RYR1: variants seen among roughly 807,000 people sequenced by gnomAD.
RYR1 encodes central core disease of muscle.
A neutral mutation model predicts 583.5 loss-of-function variants in RYR1; 342 were observed. The observed-to-expected ratio is 0.59, with a 90% CI of 0.54 to 0.64. The LOEUF (loss-of-function observed/expected upper bound fraction) is 0.64, where lower values mean the gene tolerates loss of function less well. Among genes scored for constraint, RYR1 ranks in the 30% least tolerant of loss-of-function variants. The pLI is 0.00. For synonymous variants in RYR1, 2,791 were observed against 2,822.5 expected, an observed-to-expected ratio of 0.99 and a Z score of 0.35; for missense variants, 6,032 against 6,917.2, an observed-to-expected ratio of 0.87 and a Z score of 4.54.
chr19:38,447,524 G>A (rs2145355812), intron 9 of RYR1, among the ~76,000 whole-genome samples: 1 of 151,504 alleles, frequency 6.6e-6, no homozygotes, highest in Admixed American at 6.6e-5. Context: ...CTGGGCGACA[G>A]AGCGAGACTC....
chr19:38,573,259 A>C lies in RYR1; in HGVS notation c.14081A>C (p.Glu4694Ala). ...GGCCTGTACATCACGGAGCAGCCTGAGGACGATGACGTGAAGGGGCAGTGG... is the reference window on the plus strand; with the variant it reads ...GGCCTGTACATCACGGAGCAGCCTGCGGACGATGACGTGAAGGGGCAGTGG... ...FDGLYITEQP[E>A]DDDVKGQWDR... The change falls in exon 96 of 106, where the codon GAG becomes GCG. Residue 4694 changes from glutamate to alanine, a missense_variant. Transcript: ENST00000359596. 3.1e-6 allele frequency: 5 copies of C among 1,613,990 alleles called. No homozygotes were observed. The highest frequency in any genetic ancestry group is 4.2e-6 in the Non-Finnish European group (5 of 1,179,932).
At chr19:38,465,130 C>T (rs1600707526) in intron 23 of RYR1, among the ~76,000 whole-genome samples, 1 of 151,998 alleles carries the variant, frequency 6.6e-6, no homozygotes, top group Non-Finnish European at 1.5e-5. Flanking sequence ...GTCAAGGACT[C>T]CAGACCCAGG....
intron 96 of RYR1, among the ~76,000 whole-genome samples, chr19:38,575,686 C>T (rs1432469878): frequency 6.6e-6 from 1 of 152,004 alleles, no homozygotes. Context: ...GCCTGTAATC[C>T]CAGCTACTCA....
intron 16 of RYR1, among the ~76,000 whole-genome samples, chr19:38,456,002 C>A (rs2145397669): frequency 7.2e-6 from 1 of 137,968 alleles, no homozygotes; most frequent in East Asian, 2.2e-4. Context: ...GACAGAGTCT[C>A]ACACTGTCGC....
Position 38,543,974 on chromosome 19 carries a change from T to G in RYR1, c.12012+99T>G. On this transcript the variant is annotated intron_variant, in intron 87 of 105. Coordinates refer to ENST00000359596, the MANE Select transcript of RYR1 (RefSeq NM_000540.3). The surrounding 1 kb of genome is among the most constrained non-coding windows in gnomAD (Gnocchi z 4.4). ...TTTGGTCAGTTTGTCACCCGAGTGC[T>G]CCCGGCATGTTCCAGACTGGTTCCC... is the stretch of plus-strand genomic sequence containing the variant. 8.5e-7 allele frequency: 1 copy of G among 1,182,676 alleles called. No homozygotes were observed. The highest frequency in any genetic ancestry group is 1.2e-6 in the Non-Finnish European group (1 of 820,708). 73.3% of individuals were successfully genotyped at this position (1,182,676 alleles called of 1,614,324 possible). A position where few individuals can be genotyped will look rare whatever the true frequency, so the allele number is the denominator to read the frequency against.
chr19:38,573,125 T>C, intron 95 of RYR1, 52 bp from the exon 96 acceptor site: 3 of 1,610,458 alleles, frequency 1.9e-6, no homozygotes, highest in South Asian at 1.1e-5. Context: ...GCTGAGACTA[T>C]GGTCCAGCCA....
chr19:38,527,846 G>A (rs1568541136), intron 73 of RYR1, 62 bp downstream of exon 73: 2 of 1,596,402 alleles, frequency 1.3e-6, no homozygotes, highest in Non-Finnish European at 8.6e-7. Flanking sequence ...GGGGGGAGGG[G>A]CTTCAAGGAT....
At chr19:38,538,962 C>G (rs1029066480) in intron 84 of RYR1, among the ~76,000 whole-genome samples, 1 of 152,166 alleles carries the variant, frequency 6.6e-6, no homozygotes, top group Non-Finnish European at 1.5e-5. Flanking sequence ...TGGTTATAAC[C>G]TTTAGCAGGT....
intron 38 of RYR1, among the ~76,000 whole-genome samples, chr19:38,492,880 C>A (rs1027562615): frequency 2.6e-5 from 4 of 151,988 alleles, no homozygotes; most frequent in African/African-American, 9.7e-5. Flanking sequence ...ACCAGCCCGG[C>A]CAACATGGTG....
chr19:38,464,809 T>G, intron 23 of RYR1, 87 bp downstream of exon 23: 2 of 1,222,744 alleles, frequency 1.6e-6, no homozygotes, highest in Non-Finnish European at 2.4e-6. Flanking sequence ...AGGGGTCTTG[T>G]GGGGAGGCTG....
At chr19:38,570,572 G>C in intron 93 of RYR1, 35 bp from the exon 94 acceptor site, 1 of 1,538,562 alleles carries the variant, frequency 6.5e-7, no homozygotes, top group Non-Finnish European at 9.0e-7. Context: ...AGGCTGATCT[G>C]TGAGCGCTTT....
At chr19:38,511,473 TCTC>T in intron 60 of RYR1, 85 bp from the exon 61 acceptor site, 2 of 1,343,416 alleles carry the variant, frequency 1.5e-6, no homozygotes, top group Non-Finnish European at 2.1e-6. Flanking sequence ...TCTGTCCCTG[TCTC>T]CTCTAATTGG....
Position 38,548,435 on chromosome 19 carries a change from T to C in RYR1, c.12282+15T>C. On this transcript the variant is annotated intron_variant, in intron 89 of 105. Coordinates refer to ENST00000359596, the MANE Select transcript of RYR1 (RefSeq NM_000540.3). ...ACTTCCAGAAGGTGGGTGTGGGACATCGTGTGGGCCCAGGACTTGGGTGGG... is the reference window on the plus strand; with the variant it reads ...ACTTCCAGAAGGTGGGTGTGGGACACCGTGTGGGCCCAGGACTTGGGTGGG... The C allele has an allele frequency of 3.7e-6, 6 of 1,611,554 alleles. No individual in the cohort carries two copies. Among genetic ancestry groups the C allele is most frequent in the Non-Finnish European group, 5.1e-6 (6 of 1,177,910 alleles).
At chr19:38,491,839 C>A (rs1385736229) in intron 37 of RYR1, among the ~76,000 whole-genome samples, 1 of 152,068 alleles carries the variant, frequency 6.6e-6, no homozygotes, top group African/African-American at 2.4e-5. Flanking sequence ...CTGTTGAACC[C>A]CCCTAATAAT....
chr19:38,468,508 A>G (rs919828700), intron 25 of RYR1, among the ~76,000 whole-genome samples: 1 of 152,056 alleles, frequency 6.6e-6, no homozygotes, highest in African/African-American at 2.4e-5. Flanking sequence ...TAAACTCTCA[A>G]CTTTCCAATC....
chr19:38,552,258 CT>C (rs950863189), intron 89 of RYR1, among the ~76,000 whole-genome samples: 217 of 141,678 alleles, frequency 1.5e-3, no homozygotes, highest in Middle Eastern at 7.5e-3. Context: ...AGCAGGACTG[CT>C]TTTTTTTTTT....
Position 38,545,681 on chromosome 19 carries a change from G to A in RYR1, c.12013-764G>A, listed in dbSNP as rs116563238. 4.6e-3 allele frequency among the ~76,000 whole-genome samples: 697 copies of A among 152,258 alleles called. 3 individuals are homozygous for A. The highest frequency in any genetic ancestry group is 0.016 in the African/African-American group (658 of 41,540). Reference sequence around the variant, plus strand: ...TAAAAAATTAGCTGGGTATGGTGGCGCATGCCTGTAATCCAGCTACTCGAG... The same window carrying A: ...TAAAAAATTAGCTGGGTATGGTGGCACATGCCTGTAATCCAGCTACTCGAG... On this transcript the variant is annotated intron_variant, in intron 87 of 105. Coordinates refer to ENST00000359596, the MANE Select transcript of RYR1 (RefSeq NM_000540.3).
In RYR1 at chr19:38,523,385, C is replaced by G. The variant is rs571876096; in HGVS notation, c.10440+76C>G. 5.2e-3 allele frequency: 8,188 copies of G among 1,562,912 alleles called. 36 individuals are homozygous for G. The highest frequency in any genetic ancestry group is 0.012 in the Middle Eastern group (64 of 5,306). On this transcript the variant is annotated intron_variant, in intron 69 of 105. Transcript: ENST00000359596. ...CTCTAGGACTTCCTACCTGGCCTGT[C>G]CTCACCCAGCCAGCCCGTCCTGGGC...
rs1969101393 is a variant in RYR1, at chr19:38,483,229, G to A, written c.4708-61G>A. ...GGCAATCCAAGAGGTCTCCCTGGAA[G>A]TGGTGTGGTGGGACAGAGGGGGCTG... On this transcript the variant is annotated intron_variant, in intron 32 of 105. Coordinates refer to ENST00000359596, the MANE Select transcript of RYR1 (RefSeq NM_000540.3). The surrounding 1 kb of genome is among the most constrained non-coding windows in gnomAD (Gnocchi z 6.3). 2 of 1,580,758 alleles carry A rather than the reference G, an allele frequency of 1.3e-6. No homozygotes were observed. The highest frequency in any genetic ancestry group is 1.1e-5 in the South Asian group (1 of 88,458).
Sources: gnomAD v4.1 joint callset for allele counts (sites outside exome capture counted in the v4.1 genomes callset) on GRCh38, gnomAD v4.1.1 for gene constraint, Gnocchi (gnomAD v3.1) non-coding constraint, MANE v1.5 for transcripts, NCBI Gene and HGNC (gene_info 2026-07-23, HGNC 2026-07-21) for gene names.